HIBADH: variants seen among roughly 807,000 people sequenced by gnomAD.
The protein encoded by HIBADH is 3-hydroxyisobutyrate dehydrogenase, mitochondrial.
A neutral mutation model predicts 36.1 loss-of-function variants in HIBADH; 25 were observed. The observed-to-expected ratio is 0.69, with a 90% CI of 0.50 to 0.97. The LOEUF (loss-of-function observed/expected upper bound fraction) is 0.97, where lower values mean the gene tolerates loss of function less well. HIBADH is among the 50% of genes least tolerant of loss of function. The pLI is 0.00. For missense variants in HIBADH, 421 were observed against 418.0 expected (o/e 1.01, Z -0.06); for synonymous variants, 160 against 149.5 (o/e 1.07, Z -0.51).
chr7:27,638,026 T>G (rs1365155464), intron 2 of HIBADH, among the ~76,000 whole-genome samples: 1 of 152,132 alleles, frequency 6.6e-6, no homozygotes, highest in Non-Finnish European at 1.5e-5. Context: ...TTCAGGGCTA[T>G]TCCTATCAAA....
Position 27,662,790 on chromosome 7 carries a change from C to G in HIBADH, c.-2G>C. On this transcript the variant is annotated 5_prime_UTR_variant, in exon 1 of 8. Transcript: ENST00000265395. ...GAGGAGCCGTAAGGAGGCTGCCATGCTGCGCCCGCCCCTCTCCCCGCGGTG... is the reference window on the plus strand; with the variant it reads ...GAGGAGCCGTAAGGAGGCTGCCATGGTGCGCCCGCCCCTCTCCCCGCGGTG... The G allele has an allele frequency of 3.4e-6, 5 of 1,465,920 alleles. No homozygotes were observed. Among genetic ancestry groups the G allele is most frequent in the Non-Finnish European group, 4.5e-6 (5 of 1,107,448 alleles). 90.8% of individuals were successfully genotyped at this position (1,465,920 alleles called of 1,614,324 possible).
intron 4 of HIBADH, among the ~76,000 whole-genome samples, chr7:27,621,284 C>T (rs1477313753): frequency 1.3e-5 from 2 of 152,080 alleles, no homozygotes; most frequent in Non-Finnish European, 2.9e-5. Flanking sequence ...GGGGCTTCAA[C>T]ACCCAATTCT....
intron 4 of HIBADH, among the ~76,000 whole-genome samples, chr7:27,620,060 C>T (rs916543302): frequency 1.3e-5 from 2 of 152,202 alleles, no homozygotes; most frequent in Non-Finnish European, 2.9e-5. Flanking sequence ...GTAGCTCACT[C>T]CTGTAATCCC....
chr7:27,594,062 T>A, intron 4 of HIBADH, among the ~76,000 whole-genome samples: 1 of 146,536 alleles, frequency 6.8e-6, no homozygotes, highest in Non-Finnish European at 1.5e-5. Flanking sequence ...ATAAATAAAA[T>A]AATACCAGCA....
chr7:27,616,439 G>T (rs1351933565), intron 4 of HIBADH, among the ~76,000 whole-genome samples: 1 of 152,124 alleles, frequency 6.6e-6, no homozygotes, highest in African/African-American at 2.4e-5. Context: ...AGGCTAATGT[G>T]TGTGATCATG....
intron 2 of HIBADH, among the ~76,000 whole-genome samples, chr7:27,648,350 G>C (rs1786115270): frequency 6.6e-6 from 1 of 152,136 alleles, no homozygotes; most frequent in Admixed American, 6.5e-5. Context: ...AAGTTCCAAA[G>C]TCATACTTCC....
chr7:27,608,528 A>C (rs1785270020), intron 4 of HIBADH, among the ~76,000 whole-genome samples: 1 of 151,974 alleles, frequency 6.6e-6, no homozygotes, highest in Non-Finnish European at 1.5e-5. Flanking sequence ...ACTTCAAATA[A>C]GTCTGATAAG....
At chr7:27,598,273 A>G (rs1785063674) in intron 4 of HIBADH, among the ~76,000 whole-genome samples, 1 of 152,224 alleles carries the variant, frequency 6.6e-6, no homozygotes, top group Non-Finnish European at 1.5e-5. Flanking sequence ...TCTGGAATAT[A>G]AAAGAACCAC....
At chr7:27,621,136 A>G (rs1008651559) in intron 4 of HIBADH, among the ~76,000 whole-genome samples, 14 of 152,198 alleles carry the variant, frequency 9.2e-5, no homozygotes, top group African/African-American at 3.1e-4. Context: ...CATTAATTGT[A>G]GGGCATTAAA....
chr7:27,580,407 C>A (rs1784770755), intron 4 of HIBADH, among the ~76,000 whole-genome samples: 2 of 152,098 alleles, frequency 1.3e-5, no homozygotes, highest in South Asian at 4.1e-4. Context: ...CCAATAACAA[C>A]AACAACAACA....
intron 7 of HIBADH, among the ~76,000 whole-genome samples, chr7:27,529,160 G>A (rs561809123): frequency 6.6e-6 from 1 of 152,194 alleles, no homozygotes; most frequent in Non-Finnish European, 1.5e-5. Context: ...GACAGTACAC[G>A]TGGTCACCCA....
At chr7:27,622,463 C>T (rs1785562364) in intron 4 of HIBADH, among the ~76,000 whole-genome samples, 1 of 151,826 alleles carries the variant, frequency 6.6e-6, no homozygotes, top group Non-Finnish European at 1.5e-5. Flanking sequence ...GAAATAGAGA[C>T]TTAAAAATAC....
chr7:27,592,858 T>C (rs545434554), intron 4 of HIBADH, among the ~76,000 whole-genome samples: 1 of 151,870 alleles, frequency 6.6e-6, no homozygotes, highest in Admixed American at 6.6e-5. Context: ...ATTAGTAACA[T>C]GGTGAAAAAG....
At chr7:27,645,032 A>G (rs185582466) in intron 2 of HIBADH, among the ~76,000 whole-genome samples, 3 of 152,330 alleles carry the variant, frequency 2.0e-5, no homozygotes, top group East Asian at 3.9e-4. Flanking sequence ...TTGTATGGAT[A>G]TAACACATTT....
At chr7:27,632,301 T>G in intron 3 of HIBADH, 35 bp downstream of exon 3, 2 of 1,348,584 alleles carry the variant, frequency 1.5e-6, no homozygotes, top group Non-Finnish European at 2.1e-6. Flanking sequence ...TGAACTATCA[T>G]AACAAGAAAA....
intron 4 of HIBADH, among the ~76,000 whole-genome samples, chr7:27,607,842 A>C (rs1041571383): frequency 6.6e-6 from 1 of 152,146 alleles, no homozygotes; most frequent in Non-Finnish European, 1.5e-5. Flanking sequence ...ATTTTCACAA[A>C]GTTTTATAAA....
At chr7:27,609,454 A>AT (rs904665992) in intron 4 of HIBADH, among the ~76,000 whole-genome samples, 48 of 152,292 alleles carry the variant, frequency 3.2e-4, no homozygotes, top group African/African-American at 1.0e-3. Flanking sequence ...ACTGTAGAAA[A>AT]TCCCAGGCTA....
At chr7:27,609,224 C>CA (rs1260224498) in intron 4 of HIBADH, among the ~76,000 whole-genome samples, 1 of 152,186 alleles carries the variant, frequency 6.6e-6, no homozygotes, top group Non-Finnish European at 1.5e-5. Context: ...GGAGCTGCCT[C>CA]AACCATGTTA....
chr7:27,587,132 G>A (rs771295046), intron 4 of HIBADH, among the ~76,000 whole-genome samples: 2 of 152,058 alleles, frequency 1.3e-5, no homozygotes, highest in Admixed American at 6.6e-5. Context: ...TCCTAGAACC[G>A]ATCTCACACT....
Sources: allele counts gnomAD v4.1 joint callset (sites outside exome capture counted in the v4.1 genomes callset), GRCh38; gene constraint gnomAD v4.1.1; transcripts MANE v1.5; gene names NCBI Gene and HGNC (gene_info 2026-07-23, HGNC 2026-07-21).